The following APBB2 variants were observed in gnomAD, a reference collection of about 807,000 sequenced individuals.
APBB2 encodes the protein amyloid beta precursor protein binding family B member 2.
APBB2 carries 38 observed loss-of-function variants against 82.5 expected under a neutral mutation model. The observed-to-expected ratio is 0.46, with a 90% CI of 0.36 to 0.60. APBB2 has a LOEUF of 0.60. APBB2 is among the 20% of genes least tolerant of loss of function. APBB2 has a pLI of 0.00. For synonymous variants in APBB2, 341 were observed against 368.2 expected, an observed-to-expected ratio of 0.93 and a Z score of 0.85; for missense variants, 772 against 972.3, an observed-to-expected ratio of 0.79 and a Z score of 2.74.
intron 10 of APBB2, among the ~76,000 whole-genome samples, chr4:40,910,327 T>G (rs538612152): frequency 6.6e-6 from 1 of 152,168 alleles, no homozygotes; most frequent in East Asian, 1.9e-4. Flanking sequence ...AGCCTCAATC[T>G]TCTGGGCTCA....
intron 10 of APBB2, among the ~76,000 whole-genome samples, chr4:40,913,225 A>G (rs1370029463): frequency 2.0e-5 from 3 of 152,198 alleles, no homozygotes; most frequent in Non-Finnish European, 4.4e-5. Flanking sequence ...CAGAGCTGGG[A>G]CGCTGTGGGC....
At chr4:40,951,531 G>T (rs1330741213) in intron 6 of APBB2, among the ~76,000 whole-genome samples, 1 of 152,264 alleles carries the variant, frequency 6.6e-6, no homozygotes, top group Non-Finnish European at 1.5e-5. Flanking sequence ...GTGCAACTGC[G>T]TGGCAACTGA....
intron 12 of APBB2, among the ~76,000 whole-genome samples, chr4:40,872,224 T>C (rs531992275): frequency 6.6e-6 from 1 of 152,304 alleles, no homozygotes; most frequent in South Asian, 2.1e-4. Flanking sequence ...ATGAGGACAA[T>C]GACAAAGGAA....
chr4:41,171,902 GC>G, intron 1 of APBB2, among the ~76,000 whole-genome samples: 1 of 152,088 alleles, frequency 6.6e-6, no homozygotes, highest in Admixed American at 6.5e-5. Flanking sequence ...TTTGAGACCA[GC>G]CTGGCCAATA....
intron 5 of APBB2, among the ~76,000 whole-genome samples, chr4:41,018,916 T>C (rs2154432318): frequency 6.6e-6 from 1 of 152,230 alleles, no homozygotes; most frequent in South Asian, 2.1e-4. Flanking sequence ...ACAAGAGACT[T>C]AGGTATGGGG....
At chr4:41,157,389 C>A (rs1421322116) in intron 1 of APBB2, among the ~76,000 whole-genome samples, 1 of 152,172 alleles carries the variant, frequency 6.6e-6, no homozygotes, top group Non-Finnish European at 1.5e-5. Context: ...CCCTTGGGAG[C>A]AAAGAGAACT....
intron 7 of APBB2, among the ~76,000 whole-genome samples, chr4:40,937,987 G>A (rs1476958376): frequency 1.3e-5 from 2 of 152,222 alleles, no homozygotes; most frequent in Admixed American, 1.3e-4. Flanking sequence ...AGAGATGAAG[G>A]AGGAAGAGGA....
chr4:41,057,194 T>C (rs1388643647), intron 4 of APBB2, among the ~76,000 whole-genome samples: 2 of 152,192 alleles, frequency 1.3e-5, no homozygotes, highest in African/African-American at 2.4e-5. Context: ...CTCAAGCCTG[T>C]AATCCCAGCA....
intron 1 of APBB2, among the ~76,000 whole-genome samples, chr4:41,175,947 A>C (rs1436043288): frequency 6.6e-6 from 1 of 152,172 alleles, no homozygotes; most frequent in Non-Finnish European, 1.5e-5. Flanking sequence ...TTTATGTACA[A>C]AACCAACATG....
chr4:40,963,728 T>C (rs1375106981), intron 6 of APBB2, among the ~76,000 whole-genome samples: 1 of 152,210 alleles, frequency 6.6e-6, no homozygotes, highest in Non-Finnish European at 1.5e-5. Context: ...ATACTGACAA[T>C]AATCGCCTAT....
intron 1 of APBB2, among the ~76,000 whole-genome samples, chr4:41,169,394 G>C (rs1245534290): frequency 6.6e-6 from 1 of 151,988 alleles, no homozygotes; most frequent in Non-Finnish European, 1.5e-5. Flanking sequence ...TCAGATAAAA[G>C]CTTTTCACAT....
intron 1 of APBB2, among the ~76,000 whole-genome samples, chr4:41,166,321 A>G (rs1766585425): frequency 6.6e-6 from 1 of 151,946 alleles, no homozygotes; most frequent in Non-Finnish European, 1.5e-5. Flanking sequence ...AGATCACTTG[A>G]GCCCAGGAGT....
At chr4:40,847,014 T>C (rs2154319836) in intron 12 of APBB2, among the ~76,000 whole-genome samples, 1 of 152,272 alleles carries the variant, frequency 6.6e-6, no homozygotes, top group East Asian at 1.9e-4. Context: ...ACACAAATTA[T>C]AGTTAGTTAT....
intron 6 of APBB2, among the ~76,000 whole-genome samples, chr4:40,961,667 TAAAAAAAAAAAAAAAAAAAAAA>T (rs60942744): frequency 2.2e-4 from 15 of 68,244 alleles, no homozygotes; most frequent in Non-Finnish European, 3.3e-4. Flanking sequence ...AAAAAAGATG[TAAAAAAAAAAAAAAAAAAAAAA>T]AAAAAAAAAA....
intron 12 of APBB2, among the ~76,000 whole-genome samples, chr4:40,869,579 C>A (rs1356721519): frequency 1.3e-5 from 2 of 151,746 alleles, no homozygotes; most frequent in African/African-American, 2.4e-5. Context: ...AGGGGTGAGA[C>A]CCTGTCTCCA....
intron 6 of APBB2, among the ~76,000 whole-genome samples, chr4:41,000,015 C>CA (rs11459243): frequency 0.24 from 29,084 of 122,866 alleles, 3,436 homozygotes; most frequent in Non-Finnish European, 0.3. Context: ...CCCGTATTTA[C>CA]AAAAAAAAAA....
At chr4:41,179,061 G>A (rs999637928) in intron 1 of APBB2, among the ~76,000 whole-genome samples, 1 of 151,824 alleles carries the variant, frequency 6.6e-6, no homozygotes, top group African/African-American at 2.4e-5. Flanking sequence ...TACGTGTCAC[G>A]TCTATTGCAC....
At chr4:40,850,790 T>C (rs1347047894) in intron 12 of APBB2, among the ~76,000 whole-genome samples, 1 of 152,058 alleles carries the variant, frequency 6.6e-6, no homozygotes, top group Non-Finnish European at 1.5e-5. Context: ...AAAAATTTTT[T>C]TAAATAGCCA....
At chr4:41,037,349 T>G (rs1719631813) in intron 4 of APBB2, among the ~76,000 whole-genome samples, 1 of 152,220 alleles carries the variant, frequency 6.6e-6, no homozygotes, top group Admixed American at 6.5e-5. Context: ...GAAACGATAA[T>G]ATTTTGGTTA....
Sources: allele counts gnomAD v4.1 joint callset (sites outside exome capture counted in the v4.1 genomes callset), GRCh38; gene constraint gnomAD v4.1.1; transcripts MANE v1.5; gene names NCBI Gene and HGNC (gene_info 2026-07-23, HGNC 2026-07-21).